KALRN: variants seen among roughly 807,000 people sequenced by gnomAD.
KALRN encodes the protein kalirin RhoGEF kinase, also known as kalirin.
Under a neutral mutation model 353.7 loss-of-function variants are expected in KALRN, and 70 were observed. The ratio of observed to expected loss-of-function variants is 0.20; its 90% CI spans 0.16 to 0.24. The LOEUF is 0.24. KALRN is among the 10% of genes least tolerant of loss of function. The pLI is 1.00. For synonymous variants in KALRN, 1,391 were observed against 1,434.8 expected (o/e 0.97, Z 0.69); for missense variants, 2,791 against 3,756.7 (o/e 0.74, Z 6.72).
At chr3:124,486,524 G>A (rs1413730256) in intron 28 of KALRN, among the ~76,000 whole-genome samples, 2 of 152,176 alleles carry the variant, frequency 1.3e-5, no homozygotes, top group Non-Finnish European at 2.9e-5. Context: ...TCTAGGGGGT[G>A]CACTTCTTCT....
intron 37 of KALRN, among the ~76,000 whole-genome samples, chr3:124,642,549 T>G (rs1221024870): frequency 1.3e-5 from 2 of 152,144 alleles, no homozygotes; most frequent in African/African-American, 4.8e-5. Flanking sequence ...TCTCCTATTT[T>G]GACAGCATTC....
At chr3:124,368,045 A>AC (rs1307702543) in intron 10 of KALRN, among the ~76,000 whole-genome samples, 38 of 28,666 alleles carry the variant, frequency 1.3e-3, no homozygotes, top group Admixed American at 2.1e-3. Flanking sequence ...CGGAGGGCTG[A>AC]CCCCCCCACC....
At chr3:124,691,654 A>T (rs59813869) in intron 51 of KALRN, among the ~76,000 whole-genome samples, 3,099 of 152,302 alleles carry the variant, frequency 0.02, 125 homozygotes, top group African/African-American at 0.07. Context: ...AGCCACCCTT[A>T]AACCTACCAC....
intron 1 of KALRN, among the ~76,000 whole-genome samples, chr3:124,201,177 C>T (rs964973402): frequency 1.2e-4 from 19 of 152,214 alleles, no homozygotes; most frequent in Non-Finnish European, 2.2e-4. Flanking sequence ...CAACAGCCAC[C>T]ATTGAGGCAG....
chr3:124,180,106 G>A (rs1255946220), intron 1 of KALRN, among the ~76,000 whole-genome samples: 3 of 152,146 alleles, frequency 2.0e-5, no homozygotes, highest in Non-Finnish European at 4.4e-5. Flanking sequence ...TTGTGTGGTG[G>A]GGGTATGTTC....
chr3:124,557,354 T>G (rs983319031), intron 33 of KALRN, among the ~76,000 whole-genome samples: 2 of 152,236 alleles, frequency 1.3e-5, no homozygotes, highest in Non-Finnish European at 2.9e-5. Flanking sequence ...CAGCTGCATG[T>G]CACTTGTGTG....
chr3:124,630,495 C>T (rs2080648445), intron 34 of KALRN, among the ~76,000 whole-genome samples: 1 of 152,144 alleles, frequency 6.6e-6, no homozygotes, highest in South Asian at 2.1e-4. Flanking sequence ...CTCCTGGGTT[C>T]AAGTGATTCT....
chr3:124,579,700 T>C (rs1578122761), intron 34 of KALRN, among the ~76,000 whole-genome samples: 1 of 152,184 alleles, frequency 6.6e-6, no homozygotes, highest in East Asian at 1.9e-4. Context: ...CTCGGAGAGC[T>C]TCTTCCCACA....
At chr3:124,131,660 G>A (rs2065294889) in intron 1 of KALRN, among the ~76,000 whole-genome samples, 3 of 152,160 alleles carry the variant, frequency 2.0e-5, no homozygotes, top group Admixed American at 2.0e-4. Flanking sequence ...TGACATCAGG[G>A]TGTAGGAACA....
intron 38 of KALRN, among the ~76,000 whole-genome samples, chr3:124,653,690 CA>C (rs1282564143): frequency 6.6e-6 from 1 of 152,168 alleles, no homozygotes; most frequent in African/African-American, 2.4e-5. Flanking sequence ...TGTGGAAGAC[CA>C]GCCATTCCCT....
chr3:124,560,944 G>A (rs1057481369), intron 33 of KALRN, among the ~76,000 whole-genome samples: 33 of 152,148 alleles, frequency 2.2e-4, no homozygotes, highest in African/African-American at 7.5e-4. Context: ...ATTGAGGGGT[G>A]GAGCAAGAGA....
At chr3:124,421,803 A>G (rs568508074) in intron 14 of KALRN, among the ~76,000 whole-genome samples, 1 of 152,308 alleles carries the variant, frequency 6.6e-6, no homozygotes, top group South Asian at 2.1e-4. Flanking sequence ...TAACGTATAA[A>G]TAGGAGAACT....
intron 3 of KALRN, among the ~76,000 whole-genome samples, chr3:124,257,091 A>G (rs1282319785): frequency 2.6e-5 from 4 of 152,172 alleles, no homozygotes; most frequent in Non-Finnish European, 5.9e-5. Flanking sequence ...AGAGAAACTA[A>G]CATTTTCAAC....
intron 3 of KALRN, among the ~76,000 whole-genome samples, chr3:124,258,632 G>T (rs1161692044): frequency 4.6e-5 from 7 of 152,180 alleles, no homozygotes; most frequent in Non-Finnish European, 7.3e-5. Context: ...CCCATTCGGG[G>T]ATCTATTCAT....
chr3:124,124,861 C>T (rs2064448552), intron 1 of KALRN, among the ~76,000 whole-genome samples: 1 of 152,218 alleles, frequency 6.6e-6, no homozygotes, highest in Non-Finnish European at 1.5e-5. Flanking sequence ...TAGACTACAA[C>T]ATAGTGTGAA....
chr3:124,705,986 A>T (rs1487444422), intron 57 of KALRN, among the ~76,000 whole-genome samples: 1 of 151,956 alleles, frequency 6.6e-6, no homozygotes, highest in Non-Finnish European at 1.5e-5. Context: ...ATCATGGTTC[A>T]CTGCATCCTT....
chr3:124,397,723 A>G (rs1476401696), intron 12 of KALRN, among the ~76,000 whole-genome samples: 10 of 152,094 alleles, frequency 6.6e-5, no homozygotes. Flanking sequence ...ACCTCTCCCT[A>G]CTACGTTTGT....
intron 1 of KALRN, among the ~76,000 whole-genome samples, chr3:124,169,385 G>A (rs979756156): frequency 1.3e-5 from 2 of 152,152 alleles, no homozygotes; most frequent in Non-Finnish European, 2.9e-5. Flanking sequence ...TCCCTACAGG[G>A]TAAGGGCTCA....
At chr3:124,312,272 T>C (rs1179365467) in intron 6 of KALRN, among the ~76,000 whole-genome samples, 1 of 152,214 alleles carries the variant, frequency 6.6e-6, no homozygotes, top group Non-Finnish European at 1.5e-5. Flanking sequence ...GTGATTCTTA[T>C]GCCTCAGCCT....
Sources: allele counts gnomAD v4.1 joint callset (sites outside exome capture counted in the v4.1 genomes callset), GRCh38; gene constraint gnomAD v4.1.1; transcripts MANE v1.5; gene names NCBI Gene and HGNC (gene_info 2026-07-23, HGNC 2026-07-21).